Variants in LDAH observed in about 807,000 individuals in gnomAD.
LDAH encodes lipid droplet associated hydrolase, also known as lipid droplet-associated hydrolase.
In LDAH, 26 loss-of-function variants were observed where a neutral mutation model predicts 29.6. The ratio of observed to expected loss-of-function variants is 0.88; its 90% CI spans 0.64 to 1.22. The LOEUF is 1.22. Among genes scored for constraint, LDAH ranks in the 50% most tolerant of loss-of-function variants. LDAH has a pLI of 0.00. For synonymous variants in LDAH, 117 were observed against 133.0 expected (o/e 0.88, Z 0.83); for missense variants, 344 against 387.3 (o/e 0.89, Z 0.94).
intron 4 of LDAH, among the ~76,000 whole-genome samples, chr2:20,759,763 C>T (rs944373088): frequency 3.3e-5 from 5 of 152,166 alleles, no homozygotes; most frequent in African/African-American, 1.2e-4. Flanking sequence ...TCCACTGAGG[C>T]TCTATGAATG....
At chr2:20,730,174 T>C (rs921537494) in intron 5 of LDAH, among the ~76,000 whole-genome samples, 1 of 152,228 alleles carries the variant, frequency 6.6e-6, no homozygotes, top group African/African-American at 2.4e-5. Context: ...TAGAATTCCA[T>C]GGTATGGCTT....
At chr2:20,819,250 CT>C (rs1673076713) in intron 1 of LDAH, among the ~76,000 whole-genome samples, 1 of 152,060 alleles carries the variant, frequency 6.6e-6, no homozygotes, top group Non-Finnish European at 1.5e-5. Context: ...TAGCTTTCAG[CT>C]TCTGGACATC....
Position 20,747,625 on chromosome 2 carries a change from G to A in LDAH, c.469-7420C>T, listed in dbSNP as rs1460697677. ...CAAGCTTAGTAAGCTTATTTACTAA[G>A]TATGCAGTTTATAAACTGCAAATGC... On this transcript the variant is annotated intron_variant, in intron 4 of 6. Coordinates refer to ENST00000237822, the MANE Select transcript of LDAH (RefSeq NM_021925.4). Among the ~76,000 whole-genome samples the A allele has an allele frequency of 3.3e-5, 5 of 152,114 alleles. No individual in the cohort carries two copies. The East Asian group carries it at 9.6e-4, about 29-fold the overall frequency.
intron 3 of LDAH, among the ~76,000 whole-genome samples, chr2:20,778,382 C>G (rs930744480): frequency 6.6e-6 from 1 of 152,112 alleles, no homozygotes; most frequent in East Asian, 1.9e-4. Flanking sequence ...ATCAGTACTT[C>G]GCATTAACTT....
At chr2:20,781,263 T>G (rs1346477398) in intron 3 of LDAH, among the ~76,000 whole-genome samples, 1 of 152,194 alleles carries the variant, frequency 6.6e-6, no homozygotes, top group Non-Finnish European at 1.5e-5. Context: ...AATCATCCCC[T>G]TCTGACATTG....
chr2:20,819,578 C>CT (rs1378327553), intron 1 of LDAH, among the ~76,000 whole-genome samples: 1 of 152,142 alleles, frequency 6.6e-6, no homozygotes, highest in Non-Finnish European at 1.5e-5. Flanking sequence ...GCTCTTCATG[C>CT]TAAAAACTCT....
chr2:20,715,706 C>T (rs982910625), intron 5 of LDAH, among the ~76,000 whole-genome samples: 1 of 152,196 alleles, frequency 6.6e-6, no homozygotes, highest in Admixed American at 6.5e-5. Context: ...AATCAATGTG[C>T]AAAAATCCCA....
In LDAH at chr2:20,775,023, T is replaced by A. The variant is rs750815146; in HGVS notation, c.299-44A>T. The A allele has an allele frequency of 2.0e-6, 3 of 1,500,974 alleles. No homozygotes were observed. The Admixed American group carries it at 6.1e-5, about 31-fold the overall frequency. The allele number at this position is 1,500,974 out of a possible 1,614,324, so 93.0% of individuals were successfully genotyped here. A position where few individuals can be genotyped will look rare whatever the true frequency, so the allele number is the denominator to read the frequency against. ...GCACGTTTTCATTAAGTAAAAGTAA[T>A]CACTGAAAAAAGATCAAGAAAAAGA... On this transcript the variant is annotated intron_variant, in intron 3 of 6. Coordinates refer to ENST00000237822, the MANE Select transcript of LDAH (RefSeq NM_021925.4).
chr2:20,810,143 G>C (rs1183159069), intron 1 of LDAH, among the ~76,000 whole-genome samples: 1 of 152,222 alleles, frequency 6.6e-6, no homozygotes, highest in Non-Finnish European at 1.5e-5. Context: ...GGCCTTAGCT[G>C]AGAAAACTCA....
At chr2:20,687,157 A>G in intron 6 of LDAH, 63 bp from the exon 7 acceptor site, 1 of 1,402,920 alleles carries the variant, frequency 7.1e-7, no homozygotes, top group Non-Finnish European at 9.9e-7. Flanking sequence ...CAGATATGAC[A>G]CCAGCAGCCG....
intron 1 of LDAH, among the ~76,000 whole-genome samples, chr2:20,819,999 G>C (rs1673141160): frequency 6.6e-6 from 1 of 151,792 alleles, no homozygotes; most frequent in Non-Finnish European, 1.5e-5. Context: ...AATCATGAGT[G>C]AACTCCCATT....
rs1386050306 is a variant in LDAH at position 20,774,958 on chromosome 2, T to C, written c.320A>G (p.Lys107Arg). The C allele has an allele frequency of 6.3e-7, 1 of 1,595,602 alleles. No homozygotes were observed. Among genetic ancestry groups the C allele is most frequent in the South Asian group, 1.1e-5 (1 of 89,442 alleles). The change falls in exon 4 of 7, where the codon AAG (lysine) becomes AGG (arginine). Residue 107 changes from lysine to arginine, a missense_variant. Coordinates refer to ENST00000237822, the MANE Select transcript of LDAH (RefSeq NM_021925.4). ...TSEDSNAQEI[K>R]DIYGLNGQIE... ...TTGTCCATTTAGTCCATAAATGTCC[T>C]TAATTTCTTGAGCGTTTGAATCTAA... is the stretch of plus-strand genomic sequence containing the variant.
intron 4 of LDAH, among the ~76,000 whole-genome samples, chr2:20,763,472 T>C (rs1370630718): frequency 6.6e-6 from 1 of 152,196 alleles, no homozygotes; most frequent in Admixed American, 6.5e-5. Context: ...GGGGAAGAAT[T>C]TGCATTTCTA....
At chr2:20,780,479 C>T (rs1348566718) in intron 3 of LDAH, among the ~76,000 whole-genome samples, 1 of 152,028 alleles carries the variant, frequency 6.6e-6, no homozygotes, top group Non-Finnish European at 1.5e-5. Flanking sequence ...AGCCATGTTT[C>T]CATGGCTGTT....
chr2:20,690,186 A>G (rs1288402155), intron 6 of LDAH, among the ~76,000 whole-genome samples: 4 of 152,270 alleles, frequency 2.6e-5, no homozygotes, highest in South Asian at 2.1e-4. Flanking sequence ...GGTGATCAAC[A>G]TGGATTAAGG....
intron 2 of LDAH, among the ~76,000 whole-genome samples, chr2:20,795,432 T>C (rs1377385726): frequency 6.6e-6 from 1 of 152,200 alleles, no homozygotes; most frequent in African/African-American, 2.4e-5. Context: ...CTCACAGCAC[T>C]TGATACTTCA....
chr2:20,709,283 T>C (rs1664526576), intron 5 of LDAH, among the ~76,000 whole-genome samples: 1 of 152,142 alleles, frequency 6.6e-6, no homozygotes, highest in Non-Finnish European at 1.5e-5. Flanking sequence ...ATTCCCAAAA[T>C]ATCTCATTAT....
At chr2:20,821,264 G>T (rs905589369) in intron 1 of LDAH, among the ~76,000 whole-genome samples, 1 of 152,028 alleles carries the variant, frequency 6.6e-6, no homozygotes, top group East Asian at 1.9e-4. Flanking sequence ...TCCCATTACT[G>T]GGTATATACC....
At chr2:20,689,134 C>T (rs946650519) in intron 6 of LDAH, among the ~76,000 whole-genome samples, 6 of 152,008 alleles carry the variant, frequency 3.9e-5, no homozygotes, top group African/African-American at 1.5e-4. Flanking sequence ...TGATGGTTTC[C>T]AGCTTCATCC....
Sources: allele counts gnomAD v4.1 joint callset (sites outside exome capture counted in the v4.1 genomes callset), GRCh38; gene constraint gnomAD v4.1.1; transcripts MANE v1.5; gene names NCBI Gene and HGNC (gene_info 2026-07-23, HGNC 2026-07-21).